KCNJ6: variants seen among roughly 807,000 people sequenced by gnomAD.
KCNJ6 encodes the protein potassium inwardly rectifying channel subfamily J member 6, also known as G protein-activated inward rectifier potassium channel 2.
A neutral mutation model predicts 34.2 loss-of-function variants in KCNJ6; 9 were observed. The observed-to-expected ratio is 0.26, with a 90% CI of 0.16 to 0.46. The LOEUF is 0.46. Among genes scored for constraint, KCNJ6 ranks in the 20% least tolerant of loss-of-function variants. The pLI, the probability that KCNJ6 is intolerant of heterozygous loss-of-function variation, is 1.00. For synonymous variants in KCNJ6, 196 were observed against 207.1 expected (o/e 0.95, Z 0.46); for missense variants, 236 against 531.3 (o/e 0.44, Z 5.46).
At chr21:37,800,947 G>A (rs1431708342) in intron 2 of KCNJ6, among the ~76,000 whole-genome samples, 1 of 152,204 alleles carries the variant, frequency 6.6e-6, no homozygotes, top group East Asian at 1.9e-4. Flanking sequence ...CAGGGAACTG[G>A]ATGCCTCTGC....
chr21:37,784,423 A>G (rs1568847380), intron 2 of KCNJ6, among the ~76,000 whole-genome samples: 3 of 152,210 alleles, frequency 2.0e-5, no homozygotes, highest in Admixed American at 6.5e-5. Flanking sequence ...GGGTGTCACA[A>G]AGCCATGAGC....
chr21:37,863,774 A>G (rs1210267907), intron 1 of KCNJ6, among the ~76,000 whole-genome samples: 1 of 151,574 alleles, frequency 6.6e-6, no homozygotes, highest in East Asian at 1.9e-4. Context: ...CTTGTAAGAA[A>G]AAAAATGCTC....
chr21:37,780,391 CTACT>C (rs1350018023), intron 2 of KCNJ6, among the ~76,000 whole-genome samples: 1 of 152,132 alleles, frequency 6.6e-6, no homozygotes, highest in Non-Finnish European at 1.5e-5. Context: ...GTAATGGTGG[CTACT>C]TAAACATCAT....
intron 3 of KCNJ6, among the ~76,000 whole-genome samples, chr21:37,681,199 C>T (rs2054589189): frequency 6.6e-6 from 1 of 152,262 alleles, no homozygotes; most frequent in Admixed American, 6.5e-5. Flanking sequence ...AATAACAATG[C>T]CAAGGTGTAG....
intron 3 of KCNJ6, among the ~76,000 whole-genome samples, chr21:37,649,484 C>A (rs956362329): frequency 2.0e-5 from 3 of 152,068 alleles, no homozygotes; most frequent in African/African-American, 7.2e-5. Flanking sequence ...AGCAGCAATC[C>A]CATGACGAAA....
chr21:37,634,942 G>A (rs1037167503), intron 3 of KCNJ6, among the ~76,000 whole-genome samples: 1 of 151,988 alleles, frequency 6.6e-6, no homozygotes, highest in Non-Finnish European at 1.5e-5. Context: ...ATTTTTTGTA[G>A]AGATGGGTTT....
At position 37,879,303 on chromosome 21, in the gene KCNJ6, G is replaced by A. The variant is rs557178756; in HGVS notation, c.-28+36581C>T. Among the ~76,000 whole-genome samples, 50 of 152,170 alleles carry A rather than the reference G, an allele frequency of 3.3e-4. 1 individual carries two copies. The highest frequency in any genetic ancestry group is 6.2e-4 in the Non-Finnish European group (42 of 68,038). ...GACTCTGAGGACAGGGAAAGGTGGT[G>A]TGAAATGCCTCCAGAACAAAGGTGG... On this transcript the variant is annotated intron_variant, in intron 1 of 3. Transcript: ENST00000609713.
intron 2 of KCNJ6, among the ~76,000 whole-genome samples, chr21:37,716,791 T>C (rs568080969): frequency 6.6e-6 from 1 of 152,358 alleles, no homozygotes; most frequent in Non-Finnish European, 1.5e-5. Context: ...TTGGAACCGA[T>C]TTCTGCTGTT....
chr21:37,635,352 G>A (rs1414531884), intron 3 of KCNJ6, among the ~76,000 whole-genome samples: 1 of 151,546 alleles, frequency 6.6e-6, no homozygotes, highest in East Asian at 2.0e-4. Flanking sequence ...CAAGTAGCTT[G>A]GAGTATAGGC....
intron 3 of KCNJ6, among the ~76,000 whole-genome samples, chr21:37,698,401 C>A (rs1298634253): frequency 6.6e-6 from 1 of 152,188 alleles, no homozygotes; most frequent in South Asian, 2.1e-4. Flanking sequence ...GCTGGGAGTG[C>A]GGGAGGGGGG....
At chr21:37,722,704 T>C (rs886377823) in intron 2 of KCNJ6, among the ~76,000 whole-genome samples, 1 of 152,200 alleles carries the variant, frequency 6.6e-6, no homozygotes, top group African/African-American at 2.4e-5. Context: ...TTCTATTTAA[T>C]AATGGTACTG....
intron 3 of KCNJ6, among the ~76,000 whole-genome samples, chr21:37,650,049 C>T (rs1052305044): frequency 6.6e-6 from 1 of 152,086 alleles, no homozygotes. Flanking sequence ...AGGTGTGAAC[C>T]ACCGCGCCTG....
intron 2 of KCNJ6, among the ~76,000 whole-genome samples, chr21:37,720,295 T>A (rs1378911498): frequency 6.6e-6 from 1 of 152,150 alleles, no homozygotes; most frequent in Admixed American, 6.5e-5. Flanking sequence ...TCTGAAGGTA[T>A]CCCATCCCAT....
intron 2 of KCNJ6, among the ~76,000 whole-genome samples, chr21:37,756,875 A>G (rs2055030795): frequency 6.9e-6 from 1 of 145,774 alleles, no homozygotes; most frequent in African/African-American, 2.6e-5. Context: ...TGATGATTCC[A>G]GCCCGGAGTG....
At chr21:37,703,630 G>A (rs1056275460) in intron 3 of KCNJ6, among the ~76,000 whole-genome samples, 3 of 152,174 alleles carry the variant, frequency 2.0e-5, no homozygotes, top group African/African-American at 4.8e-5. Flanking sequence ...GGTACCCCCT[G>A]AAGGCAAGTG....
intron 3 of KCNJ6, among the ~76,000 whole-genome samples, chr21:37,697,246 G>A (rs2054667722): frequency 6.6e-6 from 1 of 152,200 alleles, no homozygotes; most frequent in Non-Finnish European, 1.5e-5. Context: ...TGCTCCCCTT[G>A]CTGGGGAGAG....
chr21:37,804,714 C>T lies in KCNJ6; in HGVS notation c.25+35944G>A, dbSNP rs189706699. On this transcript the variant is annotated intron_variant, in intron 2 of 3. Transcript: ENST00000609713. ...TGCATTAGCTTGGTAAGGATAATGG[C>T]CTACAGCTCCATCCATGTTCCTGCA... 5.9e-5 allele frequency among the ~76,000 whole-genome samples: 9 copies of T among 152,226 alleles called. No individual in the cohort carries two copies. The East Asian group carries it at 1.7e-3, about 29-fold the overall frequency.
At chr21:37,673,985 A>T (rs2054553267) in intron 3 of KCNJ6, among the ~76,000 whole-genome samples, 1 of 152,114 alleles carries the variant, frequency 6.6e-6, no homozygotes, top group Non-Finnish European at 1.5e-5. Context: ...GAGCCCTGTG[A>T]TTTCCCTTAG....
intron 1 of KCNJ6, among the ~76,000 whole-genome samples, chr21:37,911,778 T>C (rs561693618): frequency 6.6e-6 from 1 of 152,204 alleles, no homozygotes; most frequent in Non-Finnish European, 1.5e-5. Context: ...AGAGCATTTA[T>C]CTTGTTTTCA....
Sources: allele counts gnomAD v4.1 joint callset (sites outside exome capture counted in the v4.1 genomes callset), GRCh38; gene constraint gnomAD v4.1.1; transcripts MANE v1.5; gene names NCBI Gene and HGNC (gene_info 2026-07-23, HGNC 2026-07-21).